Variants in FGF14 observed in about 807,000 individuals in gnomAD.
The protein encoded by FGF14 is fibroblast growth factor homologous factor 4.
A neutral mutation model predicts 25.5 loss-of-function variants in FGF14; 5 were observed. That is an observed-to-expected ratio of 0.20 (90% CI 0.10 to 0.41). The LOEUF (loss-of-function observed/expected upper bound fraction) is 0.41. FGF14 is among the 10% of genes least tolerant of loss of function. FGF14 has a pLI of 1.00. For synonymous variants in FGF14, 138 were observed against 118.3 expected, an observed-to-expected ratio of 1.17 and a Z score of -1.08; for missense variants, 222 against 320.1, an observed-to-expected ratio of 0.69 and a Z score of 2.34.
intron 1 of FGF14, among the ~76,000 whole-genome samples, chr13:101,967,951 A>T (rs1321394417): frequency 2.0e-5 from 3 of 152,204 alleles, no homozygotes; most frequent in African/African-American, 4.8e-5. Flanking sequence ...TTCTATTTCC[A>T]AATTGCAAGT....
intron 3 of FGF14, among the ~76,000 whole-genome samples, chr13:101,733,964 T>C (rs2035997872): frequency 6.6e-6 from 1 of 151,846 alleles, no homozygotes; most frequent in African/African-American, 2.4e-5. Context: ...TATTATATAT[T>C]TTAAAATATG....
chr13:102,250,277 C>A (rs115076122), intron 1 of FGF14, among the ~76,000 whole-genome samples: 2 of 152,128 alleles, frequency 1.3e-5, no homozygotes, highest in Non-Finnish European at 2.9e-5. Flanking sequence ...CCACAATTTC[C>A]CTGGGACACA....
At chr13:102,161,575 A>AGAAGGAGAAGG (rs1158303272) in intron 1 of FGF14, among the ~76,000 whole-genome samples, 1 of 5,476 alleles carries the variant, frequency 1.8e-4, no homozygotes, top group Non-Finnish European at 4.9e-4. Flanking sequence ...TGAAGAAAGA[A>AGAAGGAGAAGG]AGAAGAAGAA....
chr13:102,133,768 T>G (rs980496128), intron 1 of FGF14, among the ~76,000 whole-genome samples: 1 of 152,212 alleles, frequency 6.6e-6, no homozygotes, highest in African/African-American at 2.4e-5. Context: ...ACAACAGAGT[T>G]AAGCATGGGC....
At chr13:102,082,311 A>T (rs1204746760) in intron 1 of FGF14, among the ~76,000 whole-genome samples, 2 of 139,628 alleles carry the variant, frequency 1.4e-5, no homozygotes, top group African/African-American at 3.3e-5. Flanking sequence ...TTAGCATTAT[A>T]AAAAAAACTC....
intron 1 of FGF14, among the ~76,000 whole-genome samples, chr13:101,998,588 ATTCTGAAGTAT>A (rs568876145): frequency 9.5e-4 from 145 of 152,320 alleles, no homozygotes; most frequent in African/African-American, 3.3e-3. Context: ...TTGTTTTGTG[ATTCTGAAGTAT>A]TTCTGAAATG....
At chr13:101,788,872 C>CTATA (rs56084859) in intron 3 of FGF14, among the ~76,000 whole-genome samples, 76 of 26,332 alleles carry the variant, frequency 2.9e-3, no homozygotes, top group African/African-American at 3.7e-3. Flanking sequence ...CCTTTTTTGA[C>CTATA]TATATATATA....
At chr13:101,814,524 T>A (rs772135092) in intron 3 of FGF14, among the ~76,000 whole-genome samples, 1 of 152,248 alleles carries the variant, frequency 6.6e-6, no homozygotes, top group African/African-American at 2.4e-5. Flanking sequence ...AATTCAGTTT[T>A]AGAACACTTT....
At chr13:102,202,220 C>T (rs758976835) in intron 1 of FGF14, among the ~76,000 whole-genome samples, 1 of 152,178 alleles carries the variant, frequency 6.6e-6, no homozygotes, top group Non-Finnish European at 1.5e-5. Flanking sequence ...ACCCAGTCTC[C>T]AGTGTTTCTT....
At chr13:102,139,826 C>G (rs2046565659) in intron 1 of FGF14, among the ~76,000 whole-genome samples, 1 of 152,168 alleles carries the variant, frequency 6.6e-6, no homozygotes, top group African/African-American at 2.4e-5. Flanking sequence ...GGAACAAATT[C>G]ACCCACTCAA....
At chr13:102,055,879 T>C (rs2042407235) in intron 1 of FGF14, among the ~76,000 whole-genome samples, 1 of 152,182 alleles carries the variant, frequency 6.6e-6, no homozygotes, top group African/African-American at 2.4e-5. Flanking sequence ...CTCACAATCA[T>C]GGCAGAAAGT....
chr13:101,797,305 T>C (rs2040583282), intron 3 of FGF14, among the ~76,000 whole-genome samples: 1 of 152,116 alleles, frequency 6.6e-6, no homozygotes, highest in African/African-American at 2.4e-5. Context: ...ACAGGGTGGC[T>C]AGGACAGCTC....
At chr13:102,013,173 A>G (rs1735537919) in intron 1 of FGF14, among the ~76,000 whole-genome samples, 1 of 152,098 alleles carries the variant, frequency 6.6e-6, no homozygotes, top group African/African-American at 2.4e-5. Context: ...AAAAGAAACA[A>G]ACAAAAAACA....
intron 1 of FGF14, among the ~76,000 whole-genome samples, chr13:101,973,149 T>G (rs2037714265): frequency 6.7e-6 from 1 of 150,036 alleles, no homozygotes; most frequent in South Asian, 2.1e-4. Context: ...CCTTTATTGC[T>G]ATGTTTAAAG....
At chr13:102,011,036 G>C (rs2040052362) in intron 1 of FGF14, among the ~76,000 whole-genome samples, 1 of 152,142 alleles carries the variant, frequency 6.6e-6, no homozygotes, top group Non-Finnish European at 1.5e-5. Context: ...GTTCATTTTA[G>C]TGTATTATTT....
chr13:102,123,251 A>G (rs564444812), intron 1 of FGF14, among the ~76,000 whole-genome samples: 1 of 152,268 alleles, frequency 6.6e-6, no homozygotes, highest in African/African-American at 2.4e-5. Context: ...GCAGCCAACA[A>G]TGTTTCCTAC....
chr13:101,905,080 A>G (rs1477382639), intron 1 of FGF14, among the ~76,000 whole-genome samples: 1 of 152,210 alleles, frequency 6.6e-6, no homozygotes, highest in African/African-American at 2.4e-5. Context: ...GCTGTCCTGT[A>G]TAACTTTTAA....
intron 1 of FGF14, among the ~76,000 whole-genome samples, chr13:101,993,596 G>A (rs2139685470): frequency 6.6e-6 from 1 of 152,128 alleles, no homozygotes; most frequent in East Asian, 1.9e-4. Flanking sequence ...GAAGGGGCTT[G>A]CACTACACAA....
At chr13:102,130,610 G>A (rs1385722690) in intron 1 of FGF14, among the ~76,000 whole-genome samples, 1 of 152,132 alleles carries the variant, frequency 6.6e-6, no homozygotes, top group African/African-American at 2.4e-5. Flanking sequence ...TCTGGAATTA[G>A]CCTGTGGACA....
Sources: gnomAD v4.1 joint callset for allele counts (sites outside exome capture counted in the v4.1 genomes callset) on GRCh38, gnomAD v4.1.1 for gene constraint, MANE v1.5 for transcripts, NCBI Gene and HGNC (gene_info 2026-07-23, HGNC 2026-07-21) for gene names.